The following GRIN2A variants were observed in gnomAD, a reference collection of about 807,000 sequenced individuals.
GRIN2A encodes the protein glutamate receptor ionotropic, NMDA 2A.
A neutral mutation model predicts 113.4 loss-of-function variants in GRIN2A; 22 were observed. The observed-to-expected ratio is 0.19, with a 90% CI of 0.14 to 0.28. GRIN2A has a LOEUF of 0.28. Among genes scored for constraint, GRIN2A ranks in the 10% least tolerant of loss-of-function variants. GRIN2A has a pLI of 1.00. For missense variants in GRIN2A, 1,502 were observed against 1,887.0 expected, an observed-to-expected ratio of 0.80 and a Z score of 3.78; for synonymous variants, 827 against 738.4, an observed-to-expected ratio of 1.12 and a Z score of -1.94.
intron 2 of GRIN2A, among the ~76,000 whole-genome samples, chr16:10,105,870 G>A (rs1205835563): frequency 6.6e-6 from 1 of 152,212 alleles, no homozygotes; most frequent in Non-Finnish European, 1.5e-5. Flanking sequence ...TCGTGCCACT[G>A]CACGCCAGCC....
rs751582897 is a variant in GRIN2A, at chr16:9,758,595, G to A, written c.*4554C>T. The A allele has an allele frequency of 1.3e-4, 27 of 209,268 alleles. No individual in the cohort carries two copies. Among genetic ancestry groups the A allele is most frequent in the Admixed American group, 1.1e-3 (18 of 16,952 alleles). The allele number at this position is 209,268 out of a possible 1,614,324, so 13.0% of individuals were successfully genotyped here. On this transcript the variant is annotated 3_prime_UTR_variant, in exon 13 of 13. Coordinates refer to ENST00000330684, the MANE Select transcript of GRIN2A (RefSeq NM_001134407.3). ...AATTTTATTTGGATAATACACTTAC[G>A]TGTGAATTGTAGAAATCAAGCATGT...
At chr16:10,136,303 G>A (rs2049189952) in intron 2 of GRIN2A, among the ~76,000 whole-genome samples, 1 of 152,110 alleles carries the variant, frequency 6.6e-6, no homozygotes, top group East Asian at 1.9e-4. Context: ...AGATGAAGGC[G>A]AAAACAACTA....
At position 9,758,363 on chromosome 16, in the gene GRIN2A, C is replaced by T. The variant is rs533577905; in HGVS notation, c.*4786G>A. ...CAGAATATATTCTATACCCCTCATC[C>T]CAGAGTTTTGTTTTTTAAAGAAGGG... On this transcript the variant is annotated 3_prime_UTR_variant, in exon 13 of 13. Transcript: ENST00000330684. The T allele has an allele frequency of 4.5e-6, 1 of 223,476 alleles. No homozygotes were observed. The highest frequency in any genetic ancestry group is 2.2e-5 in the African/African-American group (1 of 44,902). The allele number at this position is 223,476 out of a possible 1,614,324, so 13.8% of individuals were successfully genotyped here.
At chr16:9,986,485 C>G (rs963988607) in intron 2 of GRIN2A, among the ~76,000 whole-genome samples, 2 of 152,070 alleles carry the variant, frequency 1.3e-5, no homozygotes, top group African/African-American at 4.8e-5. Flanking sequence ...ATAAAATGGG[C>G]CGAGTGCGGT....
At chr16:10,047,205 T>C (rs1000042419) in intron 2 of GRIN2A, among the ~76,000 whole-genome samples, 1 of 152,260 alleles carries the variant, frequency 6.6e-6, no homozygotes, top group African/African-American at 2.4e-5. Context: ...TATCCTTCTA[T>C]AAATGATCAT....
At chr16:9,931,733 G>A (rs1320682885) in intron 3 of GRIN2A, among the ~76,000 whole-genome samples, 5 of 152,130 alleles carry the variant, frequency 3.3e-5, no homozygotes, top group African/African-American at 1.2e-4. Flanking sequence ...ACACATATAT[G>A]CATGCAGAGA....
At chr16:10,039,123 C>G (rs72772347) in intron 2 of GRIN2A, among the ~76,000 whole-genome samples, 10,969 of 152,084 alleles carry the variant, frequency 0.072, 513 homozygotes, top group Non-Finnish European at 0.11. Context: ...GAGCAGACAT[C>G]CCCTCCCACC....
chr16:10,112,166 C>T (rs1166073068), intron 2 of GRIN2A: 1 of 587,228 alleles, frequency 1.7e-6, no homozygotes, highest in African/African-American at 1.8e-5. Context: ...TGGACCTGCT[C>T]ACCTGGGTAG....
intron 2 of GRIN2A, among the ~76,000 whole-genome samples, chr16:10,041,601 G>A (rs1005711391): frequency 6.6e-6 from 1 of 152,118 alleles, no homozygotes; most frequent in Non-Finnish European, 1.5e-5. Flanking sequence ...ATGTCTCCGG[G>A]CTTGTTTCTT....
chr16:10,054,764 T>G (rs2141993305), intron 2 of GRIN2A, among the ~76,000 whole-genome samples: 1 of 152,166 alleles, frequency 6.6e-6, no homozygotes, highest in East Asian at 1.9e-4. Flanking sequence ...AAGAGTAATT[T>G]GGGCCAGGCG....
At chr16:10,051,977 C>G (rs2047367686) in intron 2 of GRIN2A, among the ~76,000 whole-genome samples, 1 of 152,194 alleles carries the variant, frequency 6.6e-6, no homozygotes, top group African/African-American at 2.4e-5. Flanking sequence ...ACTAAAAAGT[C>G]TTGTTTGTGC....
chr16:9,755,266 T>C lies in GRIN2A; in HGVS notation c.*7883A>G, dbSNP rs1380859969. ...AATTTAGTTCTGGTTCCCTGGAGAG[T>C]TGCATGCTTTGAAATACAACCCCCA... On this transcript the variant is annotated 3_prime_UTR_variant, in exon 13 of 13. Coordinates refer to ENST00000330684, the MANE Select transcript of GRIN2A (RefSeq NM_001134407.3). The C allele has an allele frequency of 5.4e-6, 1 of 186,206 alleles. No individual in the cohort carries two copies. Among genetic ancestry groups the C allele is most frequent in the Non-Finnish European group, 1.1e-5 (1 of 88,042 alleles). The allele number at this position is 186,206 out of a possible 1,614,324, so 11.5% of individuals were successfully genotyped here.
At chr16:9,912,071 G>A (rs1241756004) in intron 3 of GRIN2A, among the ~76,000 whole-genome samples, 1 of 152,112 alleles carries the variant, frequency 6.6e-6, no homozygotes, top group African/African-American at 2.4e-5. Flanking sequence ...CACAAAATAT[G>A]TGTTAACTAT....
intron 4 of GRIN2A, among the ~76,000 whole-genome samples, chr16:9,865,859 G>T (rs1314004095): frequency 1.3e-5 from 2 of 152,190 alleles, no homozygotes; most frequent in East Asian, 1.9e-4. Flanking sequence ...TGAAAAAAAT[G>T]AAAAGAATAT....
intron 2 of GRIN2A, among the ~76,000 whole-genome samples, chr16:10,080,318 C>T (rs2047954331): frequency 6.6e-6 from 1 of 152,186 alleles, no homozygotes. Context: ...CACCAAAAGG[C>T]ACCTTTTTAT....
intron 2 of GRIN2A, among the ~76,000 whole-genome samples, chr16:9,953,634 G>C (rs1430701507): frequency 6.6e-6 from 1 of 152,134 alleles, no homozygotes; most frequent in Non-Finnish European, 1.5e-5. Context: ...CCTAACAAAA[G>C]AAGGAGAGTG....
intron 10 of GRIN2A, among the ~76,000 whole-genome samples, chr16:9,816,562 G>A (rs143763237): frequency 1.3e-5 from 2 of 152,258 alleles, no homozygotes; most frequent in African/African-American, 4.8e-5. Context: ...TTCTAGGGAC[G>A]TTGTTTAATT....
At chr16:10,025,388 G>A (rs1432528924) in intron 2 of GRIN2A, among the ~76,000 whole-genome samples, 1 of 133,394 alleles carries the variant, frequency 7.5e-6, no homozygotes, top group Non-Finnish European at 1.5e-5. Context: ...CAGCAGCCTC[G>A]ACCTCCTGGG....
At chr16:10,069,854 G>T (rs371692179) in intron 2 of GRIN2A, among the ~76,000 whole-genome samples, 7 of 152,226 alleles carry the variant, frequency 4.6e-5, no homozygotes, top group African/African-American at 1.7e-4. Flanking sequence ...TAGATCCCAC[G>T]TCTTGGGCTT....
Sources: allele counts gnomAD v4.1 joint callset (sites outside exome capture counted in the v4.1 genomes callset), GRCh38; gene constraint gnomAD v4.1.1; transcripts MANE v1.5; gene names NCBI Gene and HGNC (gene_info 2026-07-23, HGNC 2026-07-21).